Variants in NKAIN2 observed in about 807,000 individuals in gnomAD.
The protein encoded by NKAIN2 is sodium/potassium-transporting ATPase subunit beta-1-interacting protein 2.
In NKAIN2, 14 loss-of-function variants were observed where a neutral mutation model predicts 32.6. The ratio of observed to expected loss-of-function variants is 0.43; its 90% CI spans 0.28 to 0.67. The LOEUF (loss-of-function observed/expected upper bound fraction) is 0.67. Ranked by LOEUF, NKAIN2 falls within the 30% of genes least tolerant of loss-of-function variation. The pLI, the probability that NKAIN2 is intolerant of heterozygous loss-of-function variation, is 0.17. For synonymous variants in NKAIN2, 80 were observed against 87.2 expected (o/e 0.92, Z 0.46); for missense variants, 198 against 258.3 (o/e 0.77, Z 1.60).
At chr6:124,711,594 C>T (rs1349977030) in intron 4 of NKAIN2, among the ~76,000 whole-genome samples, 1 of 150,834 alleles carries the variant, frequency 6.6e-6, no homozygotes, top group East Asian at 2.0e-4. Context: ...GATACCCTTT[C>T]TTCCAGTTGA....
chr6:123,817,246 GATA>G lies in NKAIN2; in HGVS notation c.54+12995_54+12997del, dbSNP rs143547959. Among the ~76,000 whole-genome samples, 1,087 of 152,216 alleles carry G rather than the reference GATA, an allele frequency of 7.1e-3. 15 individuals are homozygous for G. Among genetic ancestry groups the G allele is most frequent in the African/African-American group, 0.025 (1,045 of 41,522 alleles). ...GTTCACAACATTGCCATTTTGGAAT[GATA>G]ATGATAATTATTTGTTATGAGGAGC... On this transcript the variant is annotated intron_variant, in intron 1 of 6. Coordinates refer to ENST00000368417, the MANE Select transcript of NKAIN2 (RefSeq NM_001040214.3).
chr6:124,667,275 T>G (rs546697858), intron 4 of NKAIN2, among the ~76,000 whole-genome samples: 2 of 151,000 alleles, frequency 1.3e-5, no homozygotes, highest in East Asian at 3.9e-4. Context: ...GATTATATGT[T>G]GCAAAAAAAA....
chr6:124,383,875 A>C (rs528760252), intron 3 of NKAIN2, among the ~76,000 whole-genome samples: 4 of 152,218 alleles, frequency 2.6e-5, no homozygotes, highest in African/African-American at 9.6e-5. Context: ...TTGGCTTTAA[A>C]TCTTGGCTCT....
intron 2 of NKAIN2, among the ~76,000 whole-genome samples, chr6:124,308,101 C>T (rs1302471350): frequency 2.0e-5 from 3 of 152,100 alleles, no homozygotes; most frequent in Admixed American, 6.6e-5. Flanking sequence ...TTTTAAGCCC[C>T]GCATGCATTA....
At position 124,580,858 on chromosome 6, in the gene NKAIN2, C is replaced by T. The variant is rs575516399; in HGVS notation, c.274-77328C>T. 7.2e-5 allele frequency among the ~76,000 whole-genome samples: 11 copies of T among 151,878 alleles called. No individual in the cohort carries two copies. In the East Asian group the frequency reaches 7.7e-4, roughly 11 times the overall value. On this transcript the variant is annotated intron_variant, in intron 3 of 6. Transcript: ENST00000368417. The stretch of plus-strand genomic sequence containing the variant: ...GAAACAAACCAAACAACTAAACAAA[C>T]GAACACAAAACAAAAACAAAACAGA...
chr6:123,991,975 AG>A (rs1310869256), intron 1 of NKAIN2, among the ~76,000 whole-genome samples: 1 of 152,142 alleles, frequency 6.6e-6, no homozygotes, highest in Non-Finnish European at 1.5e-5. Context: ...TTAAAAAAAA[AG>A]TTTCAGGGTG....
chr6:124,159,802 C>T (rs904628343), intron 1 of NKAIN2, among the ~76,000 whole-genome samples: 1 of 152,108 alleles, frequency 6.6e-6, no homozygotes, highest in African/African-American at 2.4e-5. Context: ...TATGTAGATA[C>T]AGCCAATACC....
At chr6:123,972,140 G>A (rs2114639111) in intron 1 of NKAIN2, among the ~76,000 whole-genome samples, 1 of 152,138 alleles carries the variant, frequency 6.6e-6, no homozygotes, top group Middle Eastern at 3.4e-3. Context: ...TTACTTTATG[G>A]TGAGAATACA....
At chr6:124,320,224 C>T (rs1040997456) in intron 2 of NKAIN2, among the ~76,000 whole-genome samples, 3 of 152,096 alleles carry the variant, frequency 2.0e-5, no homozygotes, top group Admixed American at 2.0e-4. Flanking sequence ...ATTTAGTTGT[C>T]TCTTGCCCTA....
intron 4 of NKAIN2, among the ~76,000 whole-genome samples, chr6:124,687,849 T>C (rs1036553383): frequency 2.7e-5 from 4 of 148,860 alleles, no homozygotes; most frequent in Non-Finnish European, 3.0e-5. Flanking sequence ...TTATAAAGTA[T>C]GCAATACTGG....
At chr6:124,114,818 G>C (rs936826805) in intron 1 of NKAIN2, among the ~76,000 whole-genome samples, 1 of 152,074 alleles carries the variant, frequency 6.6e-6, no homozygotes, top group South Asian at 2.1e-4. Flanking sequence ...GGGAACAAAA[G>C]GTTGTGGTCA....
At chr6:123,988,058 C>T (rs557018073) in intron 1 of NKAIN2, among the ~76,000 whole-genome samples, 8 of 152,080 alleles carry the variant, frequency 5.3e-5, no homozygotes, top group Non-Finnish European at 8.8e-5. Context: ...TACTGCCTCA[C>T]GTTTTATATG....
intron 1 of NKAIN2, among the ~76,000 whole-genome samples, chr6:123,923,721 C>A (rs1231538533): frequency 1.4e-5 from 2 of 142,930 alleles, no homozygotes; most frequent in African/African-American, 5.2e-5. Context: ...TATTCTCACT[C>A]ATAGGTGGGA....
rs1774373397 is a variant in NKAIN2, at chr6:123,898,119, A to G, written c.54+93865A>G. The stretch of plus-strand genomic sequence containing the variant: ...GATATGATCTCATCATTGCAGGATG[A>G]ATTATGATGATTGGATCCTGTGAGT... On this transcript the variant is annotated intron_variant, in intron 1 of 6. Transcript: ENST00000368417. 2.0e-5 allele frequency among the ~76,000 whole-genome samples: 3 copies of G among 152,304 alleles called. No individual in the cohort carries two copies. The South Asian group carries it at 6.2e-4, about 32-fold the overall frequency.
intron 3 of NKAIN2, among the ~76,000 whole-genome samples, chr6:124,648,707 C>T (rs1024648153): frequency 3.9e-5 from 6 of 151,984 alleles, no homozygotes; most frequent in African/African-American, 1.5e-4. Context: ...AGTATTGGAC[C>T]ATGTAGAAAT....
chr6:124,103,278 T>C (rs1273272398), intron 1 of NKAIN2, among the ~76,000 whole-genome samples: 4 of 152,096 alleles, frequency 2.6e-5, no homozygotes, highest in African/African-American at 9.7e-5. Flanking sequence ...CCCTGAAAAA[T>C]AGAGCGTGAA....
chr6:124,743,745 C>A (rs1469512873), intron 4 of NKAIN2, among the ~76,000 whole-genome samples: 20 of 151,832 alleles, frequency 1.3e-4, no homozygotes, highest in Admixed American at 1.3e-3. Flanking sequence ...GTTCACTGCT[C>A]CCAACTTTCA....
At chr6:124,467,585 C>A (rs1776812669) in intron 3 of NKAIN2, among the ~76,000 whole-genome samples, 1 of 151,994 alleles carries the variant, frequency 6.6e-6, no homozygotes, top group Admixed American at 6.6e-5. Context: ...AGAGAAGGCT[C>A]TCCAAAAGTG....
chr6:124,678,038 C>T lies in NKAIN2; in HGVS notation c.474+19652C>T, dbSNP rs549905607. 6.6e-5 allele frequency among the ~76,000 whole-genome samples: 10 copies of T among 152,120 alleles called. No individual in the cohort carries two copies. In the East Asian group the frequency reaches 1.9e-3, roughly 29 times the overall value. ...TTTCAGCACTTTGAATATATTATCC[C>T]ACTCCCTTCTGAGTTGCAAGATATT... On this transcript the variant is annotated intron_variant, in intron 4 of 6. Transcript: ENST00000368417.
Sources: allele counts gnomAD v4.1 joint callset (sites outside exome capture counted in the v4.1 genomes callset), GRCh38; gene constraint gnomAD v4.1.1; transcripts MANE v1.5; gene names NCBI Gene and HGNC (gene_info 2026-07-23, HGNC 2026-07-21).